Variants in TSPAN12 observed in about 807,000 individuals in gnomAD.
TSPAN12 encodes the protein tetraspanin 12, also known as tetraspanin-12.
Under a neutral mutation model 39.2 loss-of-function variants are expected in TSPAN12, and 19 were observed. That is an observed-to-expected ratio of 0.49 (90% CI 0.34 to 0.71). The LOEUF (loss-of-function observed/expected upper bound fraction) is 0.71. Ranked by LOEUF, TSPAN12 falls within the 30% of genes least tolerant of loss-of-function variation. TSPAN12 has a pLI of 0.01. For missense variants in TSPAN12, 314 were observed against 359.9 expected (o/e 0.87, Z 1.03); for synonymous variants, 119 against 124.8 (o/e 0.95, Z 0.31).
chr7:120,815,647 G>A, intron 5 of TSPAN12, 82 bp downstream of exon 5: 5 of 1,254,644 alleles, frequency 4.0e-6, no homozygotes, highest in East Asian at 2.5e-5. Flanking sequence ...TCATAGCGGA[G>A]TGAAAATGAA....
At chr7:120,790,092 G>A (rs184916025) in intron 7 of TSPAN12, among the ~76,000 whole-genome samples, 267 of 152,130 alleles carry the variant, frequency 1.8e-3, no homozygotes, top group Middle Eastern at 3.4e-3. Context: ...GCTGTGGACC[G>A]GAAAACCCAC....
chr7:120,842,849 A>G (rs1280743094), intron 2 of TSPAN12, among the ~76,000 whole-genome samples: 2 of 151,726 alleles, frequency 1.3e-5, no homozygotes, highest in East Asian at 3.8e-4. Context: ...TAATAGTAAT[A>G]TTATATTAAT....
rs534723614 is a variant in TSPAN12, at chr7:120,787,741, A to G, written c.*851T>C. 31 of 152,360 alleles carry G rather than the reference A, an allele frequency of 2.0e-4. No homozygotes were observed. Among genetic ancestry groups the G allele is most frequent in the African/African-American group, 7.0e-4 (29 of 41,578 alleles). 9.4% of individuals were successfully genotyped at this position (152,360 alleles called of 1,614,324 possible). A position where few individuals can be genotyped will look rare whatever the true frequency, so the allele number is the denominator to read the frequency against. On this transcript the variant is annotated 3_prime_UTR_variant, in exon 8 of 8. Transcript: ENST00000222747. ...GTTATGTGCAAATTTTCTTATTAAT[A>G]CTTCCTAAAGACCAGACTACATTCT...
chr7:120,815,177 T>G (rs1174608994), intron 5 of TSPAN12, among the ~76,000 whole-genome samples: 2 of 152,178 alleles, frequency 1.3e-5, no homozygotes, highest in Non-Finnish European at 2.9e-5. Flanking sequence ...AAATTATGGT[T>G]TGGAAATGTG....
intron 2 of TSPAN12, among the ~76,000 whole-genome samples, chr7:120,848,777 C>A (rs1358185539): frequency 1.3e-5 from 2 of 152,150 alleles, no homozygotes; most frequent in Non-Finnish European, 2.9e-5. Context: ...TTGATTCCAG[C>A]AACATTAAAT....
Position 120,857,920 on chromosome 7 carries a change from G to C in TSPAN12, c.-171C>G, listed in dbSNP as rs1794907386. 1 of 152,474 alleles carries C rather than the reference G, an allele frequency of 6.6e-6. No individual in the cohort carries two copies. 9.4% of individuals were successfully genotyped at this position (152,474 alleles called of 1,614,324 possible). A position where few individuals can be genotyped will look rare whatever the true frequency, so the allele number is the denominator to read the frequency against. ...GGAACTTCTTCGCGGAGAGCCGGAG[G>C]GCTGCATTGGCTTCAGCTGGAGACG... On this transcript the variant is annotated 5_prime_UTR_variant, in exon 1 of 8. Transcript: ENST00000222747.
At position 120,788,828 on chromosome 7, in the gene TSPAN12, T is replaced by G. The variant is rs766747629; in HGVS notation, c.682A>C (p.Ile228Leu). ...KQLQVLRFLGISIGVTQILAM... is the reference protein window; with the variant it reads ...KQLQVLRFLGLSIGVTQILAM... ...AGGATTTGTGTCACCCCAATGGAGA[T>G]TCCCAGAAACCTCAGCACCTGCAGT... is the stretch of plus-strand genomic sequence containing the variant. Residue 228 changes from isoleucine (I) to leucine (L), a missense_variant, in exon 8 of 8, where the codon ATC becomes CTC. By Grantham distance (5) the Ile-to-Leu change is conservative. Coordinates refer to ENST00000222747, the MANE Select transcript of TSPAN12 (RefSeq NM_012338.4). 1 of 1,614,106 alleles carries G rather than the reference T, an allele frequency of 6.2e-7. No individual in the cohort carries two copies. Among genetic ancestry groups the G allele is most frequent in the South Asian group, 1.1e-5 (1 of 91,072 alleles).
intron 2 of TSPAN12, among the ~76,000 whole-genome samples, chr7:120,843,440 C>G (rs1794614850): frequency 6.6e-6 from 1 of 152,172 alleles, no homozygotes; most frequent in African/African-American, 2.4e-5. Context: ...AGAATCCAAA[C>G]TCCTAAGTAC....
At chr7:120,810,959 T>C (rs1464648350) in intron 5 of TSPAN12, among the ~76,000 whole-genome samples, 3 of 152,240 alleles carry the variant, frequency 2.0e-5, no homozygotes, top group African/African-American at 7.2e-5. Context: ...GCTATGAAGT[T>C]GTTGCTCTTT....
At chr7:120,846,628 T>C (rs1794675026) in intron 2 of TSPAN12, among the ~76,000 whole-genome samples, 2 of 152,178 alleles carry the variant, frequency 1.3e-5, no homozygotes, top group Non-Finnish European at 2.9e-5. Flanking sequence ...CATATATTGG[T>C]CACCCACTCT....
intron 5 of TSPAN12, among the ~76,000 whole-genome samples, chr7:120,813,418 G>T (rs1794020180): frequency 6.6e-6 from 1 of 152,122 alleles, no homozygotes; most frequent in Non-Finnish European, 1.5e-5. Context: ...ATTTGCAGAT[G>T]GCCTCTTAAC....
intron 7 of TSPAN12, among the ~76,000 whole-genome samples, chr7:120,800,147 A>G (rs190862752): frequency 1.3e-5 from 2 of 152,188 alleles, no homozygotes; most frequent in Admixed American, 6.5e-5. Flanking sequence ...TATAGAGGAG[A>G]CAGGTGAGAG....
At chr7:120,810,653 C>CACGT (rs1562941876) in intron 5 of TSPAN12, 83 bp from the exon 6 acceptor site, 2 of 783,396 alleles carry the variant, frequency 2.6e-6, no homozygotes, top group Non-Finnish European at 4.7e-6. Flanking sequence ...CACACACACA[C>CACGT]ACGTACACAC....
rs774155731 is a variant in TSPAN12 at position 120,815,724 on chromosome 7, C to A, written c.360+5G>T. 6.2e-7 allele frequency: 1 copy of A among 1,611,252 alleles called. No homozygotes were observed. Among genetic ancestry groups the A allele is most frequent in the Non-Finnish European group, 8.5e-7 (1 of 1,178,396 alleles). On this transcript the variant is annotated splice_donor_5th_base_variant and intron_variant, in intron 5 of 7. Coordinates refer to ENST00000222747, the MANE Select transcript of TSPAN12 (RefSeq NM_012338.4). ...AGATTGTGATTATATCTATTTTGAA[C>A]TCACCATAAGTTCCTGTTCATATGT...
chr7:120,844,528 G>A (rs1398621105), intron 2 of TSPAN12, among the ~76,000 whole-genome samples: 1 of 152,196 alleles, frequency 6.6e-6, no homozygotes, highest in Admixed American at 6.5e-5. Flanking sequence ...ATTCCAAAAG[G>A]AAGAAACTGG....
intron 4 of TSPAN12, among the ~76,000 whole-genome samples, chr7:120,819,101 T>C (rs1794138794): frequency 6.6e-6 from 1 of 152,086 alleles, no homozygotes; most frequent in South Asian, 2.1e-4. Flanking sequence ...CATTTTTTGC[T>C]CTCTCAGATT....
At chr7:120,826,424 T>A (rs1026328531) in intron 4 of TSPAN12, among the ~76,000 whole-genome samples, 1 of 152,150 alleles carries the variant, frequency 6.6e-6, no homozygotes, top group Non-Finnish European at 1.5e-5. Flanking sequence ...TCAGCTAAAG[T>A]GTGCAAGCTC....
chr7:120,822,748 G>A (rs1313376504), intron 4 of TSPAN12, among the ~76,000 whole-genome samples: 1 of 152,096 alleles, frequency 6.6e-6, no homozygotes, highest in Non-Finnish European at 1.5e-5. Context: ...ATGCAGCAGG[G>A]TGACTACCCT....
At chr7:120,792,857 G>A (rs1396901493) in intron 7 of TSPAN12, among the ~76,000 whole-genome samples, 3 of 152,116 alleles carry the variant, frequency 2.0e-5, no homozygotes, top group Non-Finnish European at 4.4e-5. Context: ...ACAGTTATAA[G>A]ACATGCAAAG....
Sources: gnomAD v4.1 joint callset for allele counts (sites outside exome capture counted in the v4.1 genomes callset) on GRCh38, gnomAD v4.1.1 for gene constraint, MANE v1.5 for transcripts, NCBI Gene and HGNC (gene_info 2026-07-23, HGNC 2026-07-21) for gene names.